Variants in PLA2G6 observed in about 807,000 individuals in gnomAD.
PLA2G6 encodes the protein 85/88 kDa calcium-independent phospholipase A2.
A neutral mutation model predicts 83.8 loss-of-function variants in PLA2G6; 62 were observed. The ratio of observed to expected loss-of-function variants is 0.74; its 90% CI spans 0.60 to 0.91. The LOEUF (loss-of-function observed/expected upper bound fraction) is 0.91. Among genes scored for constraint, PLA2G6 ranks in the 40% least tolerant of loss-of-function variants. The pLI, the probability that PLA2G6 is intolerant of heterozygous loss-of-function variation, is 0.00. For missense variants in PLA2G6, 944 were observed against 1,102.0 expected (o/e 0.86, Z 2.03); for synonymous variants, 417 against 449.8 (o/e 0.93, Z 0.92).
At chr22:38,143,575 ACACGGATATCT>A in intron 3 of PLA2G6, 1 of 531,420 alleles carries the variant, frequency 1.9e-6, no homozygotes, top group African/African-American at 1.9e-5. Flanking sequence ...GGGTCACAGA[ACACGGATATCT>A]CACTAGCCTC....
chr22:38,132,305 T>C lies in PLA2G6; in HGVS notation c.1077+526A>G, dbSNP rs2088267078. On this transcript the variant is annotated intron_variant, in intron 7 of 16. Transcript: ENST00000332509. The surrounding 1 kb of genome is among the most constrained non-coding windows in gnomAD (Gnocchi z 5.0). ...GGCTGCTGGGCTGCACACTCAGGCT[T>C]TGCCTGCCAGGATCTTACAGCCTCC... The C allele has an allele frequency of 9.1e-6, 3 of 329,836 alleles. No homozygotes were observed. In the East Asian group the frequency reaches 2.9e-4, roughly 31 times the overall value. 20.4% of individuals were successfully genotyped at this position (329,836 alleles called of 1,614,324 possible).
Position 38,129,555 on chromosome 22 carries a change from TTG to T in PLA2G6, c.1083_1084del (p.Asp361GlufsTer20). 1.2e-6 allele frequency: 2 copies of T among 1,612,444 alleles called. No individual in the cohort carries two copies. Among genetic ancestry groups the T allele is most frequent in the African/African-American group, 1.3e-5 (1 of 74,980 alleles). ...GATGAGGGCCTTGATCATCTCCACG[TTG>T]TCTTTCTGTTGGAGATGGAGAGAGG... On this transcript the variant is annotated frameshift_variant, in exon 8 of 17. Transcript: ENST00000332509. LOFTEE classifies it high-confidence loss of function.
intron 2 of PLA2G6, among the ~76,000 whole-genome samples, chr22:38,151,250 C>CTT (rs972971440): frequency 6.8e-6 from 1 of 146,470 alleles, no homozygotes. Flanking sequence ...TTCTTTCCTT[C>CTT]TTTTTTTTTT....
At chr22:38,129,710 C>G (rs1014609659) in intron 7 of PLA2G6, 148 bp from the exon 8 acceptor site, 3 of 709,102 alleles carry the variant, frequency 4.2e-6, no homozygotes, top group East Asian at 5.4e-5. Flanking sequence ...CACCCCCACC[C>G]AAGTCAATCT....
At chr22:38,180,023 A>C (rs1242707471) in intron 1 of PLA2G6, among the ~76,000 whole-genome samples, 8 of 152,068 alleles carry the variant, frequency 5.3e-5, no homozygotes, top group Non-Finnish European at 1.0e-4. Context: ...GACACAGAAC[A>C]TATTCTCCCA....
At chr22:38,126,584 G>C in intron 9 of PLA2G6, 135 bp from the exon 10 acceptor site, 1 of 695,802 alleles carries the variant, frequency 1.4e-6, no homozygotes, top group East Asian at 2.7e-5. Flanking sequence ...CCTGTCATCT[G>C]TCCCTTCCCC....
Position 38,143,064 on chromosome 22 carries a change from G to C in PLA2G6, c.609+41C>G. 7 of 1,583,340 alleles carry C rather than the reference G, an allele frequency of 4.4e-6. No homozygotes were observed. In the South Asian group the frequency reaches 7.7e-5, roughly 18 times the overall value. Reference sequence around the variant, plus strand: ...GCCCAAAGGGAACCGTGGACACCGGGAGGTATCAGTACCAGTCACCCTGCC... The same window carrying C: ...GCCCAAAGGGAACCGTGGACACCGGCAGGTATCAGTACCAGTCACCCTGCC... On this transcript the variant is annotated intron_variant, in intron 4 of 16. Coordinates refer to ENST00000332509, the MANE Select transcript of PLA2G6 (RefSeq NM_003560.4).
In PLA2G6 at chr22:38,111,997, C is replaced by T; in HGVS notation, c.*164G>A. On this transcript the variant is annotated 3_prime_UTR_variant, in exon 17 of 17. Transcript: ENST00000332509. ...AAGGCGGGGTTAGTGGGAGACAGGCCTTCAGGACCAGCCTCGGGCAGGCAG... is the reference window on the plus strand; with the variant it reads ...AAGGCGGGGTTAGTGGGAGACAGGCTTTCAGGACCAGCCTCGGGCAGGCAG... The T allele has an allele frequency of 2.5e-6, 2 of 786,024 alleles. No homozygotes were observed. Among genetic ancestry groups the T allele is most frequent in the Non-Finnish European group, 4.2e-6 (2 of 475,420 alleles). 48.7% of individuals were successfully genotyped at this position (786,024 alleles called of 1,614,324 possible). A position where few individuals can be genotyped will look rare whatever the true frequency, so the allele number is the denominator to read the frequency against.
At chr22:38,115,146 G>A (rs2087112030) in intron 14 of PLA2G6, among the ~76,000 whole-genome samples, 1 of 152,196 alleles carries the variant, frequency 6.6e-6, no homozygotes, top group African/African-American at 2.4e-5. Flanking sequence ...GAGGCCTCAC[G>A]GTCCTCCACC....
chr22:38,113,931 C>T, intron 14 of PLA2G6: 1 of 541,256 alleles, frequency 1.8e-6, no homozygotes. Flanking sequence ...ATCCCGCCCA[C>T]CCCATCTGAT....
chr22:38,173,087 AC>A (rs1486443473), intron 1 of PLA2G6, among the ~76,000 whole-genome samples: 1 of 152,214 alleles, frequency 6.6e-6, no homozygotes, highest in African/African-American at 2.4e-5. Context: ...GGCATTGCCA[AC>A]CAGGAAGGCG....
intron 11 of PLA2G6, among the ~76,000 whole-genome samples, chr22:38,121,244 C>T (rs11570738): frequency 6.6e-6 from 1 of 152,080 alleles, no homozygotes; most frequent in South Asian, 2.1e-4. Context: ...GGTGTGGTGG[C>T]GGGCGCCTGT....
intron 10 of PLA2G6, among the ~76,000 whole-genome samples, chr22:38,124,653 T>C (rs2087727630): frequency 6.6e-6 from 1 of 152,062 alleles, no homozygotes; most frequent in Non-Finnish European, 1.5e-5. Flanking sequence ...GCAATCTTTC[T>C]TTTACTCTCT....
At chr22:38,179,884 G>A (rs74539523) in intron 1 of PLA2G6, among the ~76,000 whole-genome samples, 2,800 of 152,020 alleles carry the variant, frequency 0.018, 85 homozygotes, top group African/African-American at 0.064. Context: ...GTCTGGACTG[G>A]ACTGGGGATA....
intron 7 of PLA2G6, chr22:38,131,167 C>T (rs1465185029): frequency 6.6e-6 from 1 of 152,134 alleles, no homozygotes; most frequent in Non-Finnish European, 1.5e-5. Context: ...ACGTGATACC[C>T]TTTCAGAGGT....
At position 38,115,456 on chromosome 22, in the gene PLA2G6, A is replaced by G; in HGVS notation, c.2034+71T>C. On this transcript the variant is annotated intron_variant, in intron 14 of 16. Transcript: ENST00000332509. ...CCTGCTGTCCTGGGGGTCGGTCCCT[A>G]GCATGGTTTGCTGACACAGGATTGG... 3 of 1,464,696 alleles carry G rather than the reference A, an allele frequency of 2.0e-6. No individual in the cohort carries two copies. The East Asian group carries it at 6.9e-5, about 33-fold the overall frequency. 90.7% of individuals were successfully genotyped at this position (1,464,696 alleles called of 1,614,324 possible). A position where few individuals can be genotyped will look rare whatever the true frequency, so the allele number is the denominator to read the frequency against.
intron 1 of PLA2G6, among the ~76,000 whole-genome samples, chr22:38,179,002 C>A (rs1430662068): frequency 6.6e-6 from 1 of 152,106 alleles, no homozygotes; most frequent in Non-Finnish European, 1.5e-5. Flanking sequence ...TGACAATTAA[C>A]TACTGAGGAG....
intron 3 of PLA2G6, chr22:38,143,812 C>T (rs941688905): frequency 8.4e-5 from 20 of 238,094 alleles, no homozygotes; most frequent in Non-Finnish European, 1.5e-4. Context: ...GACACAATCT[C>T]GGCTCACTGC....
chr22:38,172,018 C>G (rs74751988), intron 1 of PLA2G6, among the ~76,000 whole-genome samples: 9 of 152,110 alleles, frequency 5.9e-5, no homozygotes, highest in Non-Finnish European at 1.3e-4. Context: ...TTGCTCTGGG[C>G]TCTCCCTCAC....
Sources: gnomAD v4.1 joint callset for allele counts (sites outside exome capture counted in the v4.1 genomes callset) on GRCh38, gnomAD v4.1.1 for gene constraint, Gnocchi (gnomAD v3.1) non-coding constraint, MANE v1.5 for transcripts, NCBI Gene and HGNC (gene_info 2026-07-23, HGNC 2026-07-21) for gene names.